PPP1R12B: variants seen among roughly 807,000 people sequenced by gnomAD.
PPP1R12B encodes the protein myosin phosphatase target subunit 2.
A neutral mutation model predicts 126.1 loss-of-function variants in PPP1R12B; 76 were observed. That is an observed-to-expected ratio of 0.60 (90% CI 0.50 to 0.73). The LOEUF (loss-of-function observed/expected upper bound fraction) is 0.73. Among genes scored for constraint, PPP1R12B ranks in the 30% least tolerant of loss-of-function variants. The pLI is 0.00. For missense variants in PPP1R12B, 1,052 were observed against 1,205.1 expected (o/e 0.87, Z 1.88); for synonymous variants, 356 against 434.7 (o/e 0.82, Z 2.25).
intron 23 of PPP1R12B, among the ~76,000 whole-genome samples, chr1:202,573,911 G>A (rs983818977): frequency 1.3e-5 from 2 of 152,086 alleles, no homozygotes; most frequent in African/African-American, 4.8e-5. Context: ...ACACCTTTAA[G>A]CAGCTCCCAA....
chr1:202,529,857 CCTT>C (rs1379378534), intron 18 of PPP1R12B, among the ~76,000 whole-genome samples: 1 of 152,098 alleles, frequency 6.6e-6, no homozygotes, highest in Non-Finnish European at 1.5e-5. Flanking sequence ...GTACCTTTCT[CCTT>C]AAGTTTTCAA....
chr1:202,570,225 C>T (rs920268016), intron 23 of PPP1R12B, among the ~76,000 whole-genome samples: 2 of 151,952 alleles, frequency 1.3e-5, no homozygotes, highest in Non-Finnish European at 2.9e-5. Context: ...AAATGTCTTT[C>T]TATGAGCAAG....
intron 18 of PPP1R12B, among the ~76,000 whole-genome samples, chr1:202,548,503 G>A (rs1225055602): frequency 6.6e-6 from 1 of 151,992 alleles, no homozygotes; most frequent in Non-Finnish European, 1.5e-5. Flanking sequence ...TGGGACTATA[G>A]GTGTGCTGGG....
intron 13 of PPP1R12B, among the ~76,000 whole-genome samples, chr1:202,485,676 G>GTGC (rs1482359470): frequency 2.0e-5 from 3 of 152,082 alleles, no homozygotes; most frequent in Non-Finnish European, 2.9e-5. Context: ...CCTCTCTATG[G>GTGC]TGCTGCCCTG....
chr1:202,382,187 A>G (rs1662394559), intron 1 of PPP1R12B, among the ~76,000 whole-genome samples: 2 of 149,008 alleles, frequency 1.3e-5, no homozygotes, highest in Non-Finnish European at 3.0e-5. Flanking sequence ...AAAACCAAAC[A>G]TCGCATGTTC....
intron 1 of PPP1R12B, among the ~76,000 whole-genome samples, chr1:202,387,360 C>T (rs1428895607): frequency 1.3e-5 from 2 of 152,142 alleles, no homozygotes; most frequent in Non-Finnish European, 2.9e-5. Context: ...AACTTAGTCT[C>T]AAAAAGATAT....
chr1:202,459,799 A>C (rs927227078), intron 13 of PPP1R12B, among the ~76,000 whole-genome samples: 1 of 152,236 alleles, frequency 6.6e-6, no homozygotes, highest in Non-Finnish European at 1.5e-5. Flanking sequence ...CTCAGGGGCC[A>C]GTCCACAGCT....
rs1001402126 is a variant in PPP1R12B, at chr1:202,586,931, A to T, written c.*6371A>T. 2 of 152,270 alleles carry T rather than the reference A, an allele frequency of 1.3e-5. No individual in the cohort carries two copies. Among genetic ancestry groups the T allele is most frequent in the South Asian group, 2.1e-4 (1 of 4,838 alleles). 9.4% of individuals were successfully genotyped at this position (152,270 alleles called of 1,614,324 possible). A position where few individuals can be genotyped will look rare whatever the true frequency, so the allele number is the denominator to read the frequency against. ...GCACATTTGCTAGCCCAGAGCTTTT[A>T]AAATGAGGTCTGGCATATACTTGAT... On this transcript the variant is annotated 3_prime_UTR_variant, in exon 24 of 24. Coordinates refer to ENST00000608999, the MANE Select transcript of PPP1R12B (RefSeq NM_002481.4).
Position 202,545,203 on chromosome 1 carries a change from C to T in PPP1R12B, c.2491-13674C>T, listed in dbSNP as rs1054995393. Among the ~76,000 whole-genome samples the T allele has an allele frequency of 6.4e-4, 98 of 152,160 alleles. 1 individual carries two copies. The highest frequency in any genetic ancestry group is 2.2e-3 in the African/African-American group (93 of 41,432). On this transcript the variant is annotated intron_variant, in intron 18 of 23. Transcript: ENST00000608999. ...GCCTAATTAAAAGCAGGAGTGTATT[C>T]GTTTTGGGGGTTTTTTATTTCACTC...
intron 13 of PPP1R12B, among the ~76,000 whole-genome samples, chr1:202,462,439 T>C (rs1674432435): frequency 6.6e-6 from 1 of 152,034 alleles, no homozygotes; most frequent in Non-Finnish European, 1.5e-5. Flanking sequence ...GCTTAAAGTG[T>C]TTCCCCCTCC....
At chr1:202,395,573 G>A (rs1284893380) in intron 1 of PPP1R12B, among the ~76,000 whole-genome samples, 3 of 152,034 alleles carry the variant, frequency 2.0e-5, no homozygotes, top group South Asian at 2.1e-4. Context: ...TTATACCCAC[G>A]ACACAAATGT....
chr1:202,562,522 A>G, intron 19 of PPP1R12B: 1 of 588,040 alleles, frequency 1.7e-6, no homozygotes, highest in South Asian at 1.5e-5. Flanking sequence ...GTCAGCTCAT[A>G]GGTCCAAACC....
chr1:202,486,660 A>T (rs1423735270), intron 13 of PPP1R12B, among the ~76,000 whole-genome samples: 1 of 152,208 alleles, frequency 6.6e-6, no homozygotes, highest in Non-Finnish European at 1.5e-5. Context: ...AAAAAAAGTT[A>T]GCAGGGCGTA....
chr1:202,566,147 T>TA (rs1480913791), intron 21 of PPP1R12B, among the ~76,000 whole-genome samples: 1 of 152,194 alleles, frequency 6.6e-6, no homozygotes, highest in Non-Finnish European at 1.5e-5. Flanking sequence ...TCTTGACCTT[T>TA]AGGGGTTCTC....
chr1:202,511,707 A>G (rs918197147), intron 18 of PPP1R12B, among the ~76,000 whole-genome samples: 11 of 151,328 alleles, frequency 7.3e-5, no homozygotes, highest in Admixed American at 1.3e-4. Context: ...CCAATTTGCT[A>G]TGAATGTCAT....
At chr1:202,522,797 T>A (rs705744) in intron 18 of PPP1R12B, among the ~76,000 whole-genome samples, 100,466 of 151,970 alleles carry the variant, frequency 0.66, 33,342 homozygotes, top group East Asian at 0.77. Context: ...GTTTTTGCTT[T>A]AAAACAGCAA....
chr1:202,562,757 C>A, intron 19 of PPP1R12B, 21 bp from the exon 20 acceptor site: 4 of 1,606,802 alleles, frequency 2.5e-6, no homozygotes, highest in Non-Finnish European at 3.4e-6. Flanking sequence ...CAATTTTTAT[C>A]TTTAATATTA....
At chr1:202,545,038 T>C (rs1013741572) in intron 18 of PPP1R12B, among the ~76,000 whole-genome samples, 3 of 152,260 alleles carry the variant, frequency 2.0e-5, no homozygotes, top group African/African-American at 7.2e-5. Flanking sequence ...TATCGTATCC[T>C]CTATACATCC....
chr1:202,531,651 A>G (rs1444849831), intron 18 of PPP1R12B, among the ~76,000 whole-genome samples: 2 of 152,318 alleles, frequency 1.3e-5, no homozygotes, highest in African/African-American at 2.4e-5. Context: ...ATCTTAAACT[A>G]TACTTCTTAA....
Sources: gnomAD v4.1 joint callset for allele counts (sites outside exome capture counted in the v4.1 genomes callset) on GRCh38, gnomAD v4.1.1 for gene constraint, MANE v1.5 for transcripts, NCBI Gene and HGNC (gene_info 2026-07-23, HGNC 2026-07-21) for gene names.